The following TRAF7 variants were observed in gnomAD, a reference collection of about 807,000 sequenced individuals.
TRAF7 encodes the protein E3 ubiquitin-protein ligase TRAF7.
A neutral mutation model predicts 89.3 loss-of-function variants in TRAF7; 45 were observed. The observed-to-expected ratio is 0.50, with a 90% CI of 0.40 to 0.65. The LOEUF (loss-of-function observed/expected upper bound fraction) is 0.65, where lower values mean the gene tolerates loss of function less well. Among genes scored for constraint, TRAF7 ranks in the 30% least tolerant of loss-of-function variants. The pLI is 0.00. For missense variants in TRAF7, 677 were observed against 918.1 expected (o/e 0.74, Z 3.39); for synonymous variants, 406 against 369.2 (o/e 1.10, Z -1.14).
chr16:2,166,554 C>T (rs960655086), intron 3 of TRAF7, among the ~76,000 whole-genome samples: 3 of 152,176 alleles, frequency 2.0e-5, no homozygotes, highest in African/African-American at 4.8e-5. Flanking sequence ...ACAGGCACCA[C>T]CACACCTGGC....
At position 2,176,030 on chromosome 16, in the gene TRAF7, C is replaced by T. The variant is rs202166243; in HGVS notation, c.1747-19C>T. On this transcript the variant is annotated intron_variant, in intron 18 of 20. Coordinates refer to ENST00000326181, the MANE Select transcript of TRAF7 (RefSeq NM_032271.3). ...GCCTTGCTCAGTGTCTTTGACCTGCCTGTGCCCACCCCTCCCAGGTGTGGG... is the reference window on the plus strand; with the variant it reads ...GCCTTGCTCAGTGTCTTTGACCTGCTTGTGCCCACCCCTCCCAGGTGTGGG... 6.2e-7 allele frequency: 1 copy of T among 1,607,892 alleles called. No individual in the cohort carries two copies.
rs115018781 is a variant in TRAF7, at chr16:2,157,248, T to A, written c.-39+1390T>A. 8.8e-3 allele frequency among the ~76,000 whole-genome samples: 1,337 copies of A among 152,260 alleles called. 20 individuals carry two copies. The highest frequency in any genetic ancestry group is 0.03 in the African/African-American group (1,266 of 41,546). On this transcript the variant is annotated intron_variant, in intron 1 of 20. Transcript: ENST00000326181. ...ACTTCACTGTTCTGGGCATTCATAG[T>A]TCTCTGTGGAAGCCTCGGGCCCCGT...
At position 2,178,040 on chromosome 16, in the gene TRAF7, AATAT is replaced by A. The variant is rs945679818; in HGVS notation, c.*1471_*1474del. ...AGAATCAATAATATTTCTTTCTTTA[AATAT>A]ATATTTGTTAAAGTTATACCTTTTT... On this transcript the variant is annotated 3_prime_UTR_variant, in exon 21 of 21. Transcript: ENST00000326181. The A allele has an allele frequency of 8.8e-6, 4 of 454,316 alleles. No individual in the cohort carries two copies. Among genetic ancestry groups the A allele is most frequent in the African/African-American group, 8.2e-5 (4 of 48,566 alleles). 28.1% of individuals were successfully genotyped at this position (454,316 alleles called of 1,614,324 possible).
chr16:2,173,127 G>A (rs1424938895), intron 9 of TRAF7, 55 bp from the exon 10 acceptor site: 6 of 1,525,648 alleles, frequency 3.9e-6, no homozygotes, highest in Middle Eastern at 1.9e-4. Context: ...GATTCTTGGG[G>A]ATGGGGAGGC....
intron 2 of TRAF7, among the ~76,000 whole-genome samples, chr16:2,164,744 G>T (rs1159022744): frequency 7.7e-6 from 1 of 129,498 alleles, no homozygotes; most frequent in Non-Finnish European, 1.6e-5. Context: ...AAGCGTGTGA[G>T]TGCTGCGTGG....
intron 3 of TRAF7, among the ~76,000 whole-genome samples, chr16:2,167,018 C>T (rs1405949777): frequency 2.6e-5 from 4 of 152,180 alleles, no homozygotes; most frequent in Non-Finnish European, 5.9e-5. Flanking sequence ...GTCATAGGGC[C>T]GCCAAGGACA....
rs539287226 is a variant in TRAF7, at chr16:2,158,123, A to G, written c.-39+2265A>G. Among the ~76,000 whole-genome samples, 105 of 152,084 alleles carry G rather than the reference A, an allele frequency of 6.9e-4. No homozygotes were observed. Among genetic ancestry groups the G allele is most frequent in the Admixed American group, 2.3e-3 (35 of 15,288 alleles). ...GTGTCACAGCATCTCCTGGATGGAC[A>G]CCCTGCGGGGTCAGGGAGGGCATGT... On this transcript the variant is annotated intron_variant, in intron 1 of 20. Coordinates refer to ENST00000326181, the MANE Select transcript of TRAF7 (RefSeq NM_032271.3). The surrounding 1 kb of genome is among the most constrained non-coding windows in gnomAD (Gnocchi z 4.7).
intron 1 of TRAF7, among the ~76,000 whole-genome samples, chr16:2,157,281 G>T (rs556833517): frequency 6.6e-6 from 1 of 152,166 alleles, no homozygotes; most frequent in Non-Finnish European, 1.5e-5. Flanking sequence ...CGTGTCCTGA[G>T]GGGGAGCAGT....
intron 6 of TRAF7, 36 bp from the exon 7 acceptor site, chr16:2,171,536 C>T (rs756144015): frequency 1.9e-6 from 3 of 1,612,956 alleles, no homozygotes; most frequent in East Asian, 4.5e-5. Context: ...AAAGAGGACC[C>T]TGCGCCACCC....
rs1004334987 is a variant in TRAF7, at chr16:2,163,409, C to T, written c.-38-474C>T. On this transcript the variant is annotated intron_variant, in intron 1 of 20. Coordinates refer to ENST00000326181, the MANE Select transcript of TRAF7 (RefSeq NM_032271.3). This position sits in a 1 kb window ranked among gnomAD's most constrained non-coding sequence, Gnocchi z 4.3. The stretch of plus-strand genomic sequence containing the variant: ...AGCCTGGTGCTGGCTGGGTCCTGAC[C>T]GCACCTGTCGTGGCAGGAAACACAT... 3.4e-5 allele frequency: 6 copies of T among 176,488 alleles called. No homozygotes were observed. Among genetic ancestry groups the T allele is most frequent in the South Asian group, 3.1e-4 (3 of 9,618 alleles). 10.9% of individuals were successfully genotyped at this position (176,488 alleles called of 1,614,324 possible).
intron 1 of TRAF7, among the ~76,000 whole-genome samples, chr16:2,160,826 G>A (rs1012665578): frequency 2.6e-5 from 4 of 152,080 alleles, no homozygotes; most frequent in East Asian, 3.9e-4. Flanking sequence ...TGACTGTGGG[G>A]TGGGGAAAGA....
intron 3 of TRAF7, among the ~76,000 whole-genome samples, chr16:2,166,865 C>T (rs2093088340): frequency 6.6e-6 from 1 of 152,260 alleles, no homozygotes; most frequent in Non-Finnish European, 1.5e-5. Context: ...GCCTTCTTCC[C>T]GAGGTGCAGG....
rs1021262751 is a variant in TRAF7, at chr16:2,162,656, C to T, written c.-38-1227C>T. On this transcript the variant is annotated intron_variant, in intron 1 of 20. Transcript: ENST00000326181. The surrounding 1 kb of genome is among the most constrained non-coding windows in gnomAD (Gnocchi z 5.0). ...AGGAGTGGGCTCCCTGCTGCTGCAC[C>T]GCCCCCAGAGCAAGCTTGTTCTGAG... 1.3e-5 allele frequency among the ~76,000 whole-genome samples: 2 copies of T among 152,042 alleles called. No homozygotes were observed. The highest frequency in any genetic ancestry group is 2.9e-5 in the Non-Finnish European group (2 of 67,984).
rs958443836 is a variant in TRAF7 at position 2,162,635 on chromosome 16, G to A, written c.-38-1248G>A. ...CCAGGGTGAGAGCAGGGCCGCAGGA[G>A]TGGGCTCCCTGCTGCTGCACCGCCC... On this transcript the variant is annotated intron_variant, in intron 1 of 20. Transcript: ENST00000326181. This position sits in a 1 kb window ranked among gnomAD's most constrained non-coding sequence, Gnocchi z 5.0. Among the ~76,000 whole-genome samples, 1 of 152,096 alleles carries A rather than the reference G, an allele frequency of 6.6e-6. No homozygotes were observed. Among genetic ancestry groups the A allele is most frequent in the African/African-American group, 2.4e-5 (1 of 41,444 alleles).
At chr16:2,164,197 G>C (rs540722418) in intron 2 of TRAF7, among the ~76,000 whole-genome samples, 196 bp downstream of exon 2, 89 of 149,084 alleles carry the variant, frequency 6.0e-4, no homozygotes, top group Non-Finnish European at 1.0e-3. Context: ...TGCGTGTGTG[G>C]TTGGGGCGTG....
intron 1 of TRAF7, among the ~76,000 whole-genome samples, chr16:2,160,814 G>C (rs190275925): frequency 1.3e-5 from 2 of 152,022 alleles, no homozygotes; most frequent in African/African-American, 4.8e-5. Flanking sequence ...CCCCAGCCTC[G>C]ATGACTGTGG....
intron 5 of TRAF7, 71 bp downstream of exon 5, chr16:2,170,801 C>T (rs1227258662): frequency 2.1e-6 from 3 of 1,401,672 alleles, no homozygotes; most frequent in Non-Finnish European, 2.9e-6. Context: ...GAGGCACCTT[C>T]CCCTCCGCCA....
Position 2,171,420 on chromosome 16 carries a change from C to A in TRAF7, c.441+64C>A, listed in dbSNP as rs752687487. ...GGCCCCCACAGGACCCCAGGGCTCT[C>A]GGGGGCCGGGGCTGTGGCGCCCTGG... On this transcript the variant is annotated intron_variant, in intron 6 of 20. Coordinates refer to ENST00000326181, the MANE Select transcript of TRAF7 (RefSeq NM_032271.3). 10 of 1,531,630 alleles carry A rather than the reference C, an allele frequency of 6.5e-6. No individual in the cohort carries two copies. The South Asian group carries it at 7.1e-5, about 11-fold the overall frequency. 94.9% of individuals were successfully genotyped at this position (1,531,630 alleles called of 1,614,324 possible).
At chr16:2,164,612 A>G (rs1273694462) in intron 2 of TRAF7, among the ~76,000 whole-genome samples, 2 of 129,438 alleles carry the variant, frequency 1.5e-5, no homozygotes, top group Non-Finnish European at 3.2e-5. Flanking sequence ...CGCATGGTTA[A>G]GCGTGTTAGT....
Sources: allele counts gnomAD v4.1 joint callset (sites outside exome capture counted in the v4.1 genomes callset), GRCh38; gene constraint gnomAD v4.1.1; non-coding constraint Gnocchi (gnomAD v3.1); transcripts MANE v1.5; gene names NCBI Gene and HGNC (gene_info 2026-07-23, HGNC 2026-07-21).